ARHGAP24: variants seen among roughly 807,000 people sequenced by gnomAD.
ARHGAP24 encodes rho GTPase-activating protein 24.
Under a neutral mutation model 76.4 loss-of-function variants are expected in ARHGAP24, and 50 were observed. The ratio of observed to expected loss-of-function variants is 0.65; its 90% confidence interval spans 0.52 to 0.83. The LOEUF is 0.83. Among genes scored for constraint, ARHGAP24 ranks in the 40% least tolerant of loss-of-function variants. ARHGAP24 has a pLI of 0.00. For synonymous variants in ARHGAP24, 345 were observed against 323.3 expected (o/e 1.07, Z -0.72); for missense variants, 930 against 914.2 (o/e 1.02, Z -0.22).
rs143564413 is a variant in ARHGAP24, at chr4:85,687,154, T to C, written c.181-34731T>C. On this transcript the variant is annotated intron_variant, in intron 2 of 9. Transcript: ENST00000395184. ...TAGATAATTTTAATTAAAATTTTTGTTGAGGGAGAAATTAGAAGTTGTAAA... is the reference window on the plus strand; with the variant it reads ...TAGATAATTTTAATTAAAATTTTTGCTGAGGGAGAAATTAGAAGTTGTAAA... Among the ~76,000 whole-genome samples the C allele has an allele frequency of 5.4e-3, 815 of 152,228 alleles. 7 individuals are homozygous for C. The highest frequency in any genetic ancestry group is 0.019 in the African/African-American group (771 of 41,538).
At chr4:85,495,094 CAA>C (rs77619824) in intron 1 of ARHGAP24, among the ~76,000 whole-genome samples, 279 of 70,632 alleles carry the variant, frequency 4.0e-3, no homozygotes, top group African/African-American at 0.01. Context: ...GACTCCGTCT[CAA>C]AAAAAAAAAA....
At chr4:85,560,747 A>T (rs1726563180) in intron 1 of ARHGAP24, among the ~76,000 whole-genome samples, 1 of 152,236 alleles carries the variant, frequency 6.6e-6, no homozygotes, top group Non-Finnish European at 1.5e-5. Flanking sequence ...CATGATTAAG[A>T]GTAGCATCCA....
intron 1 of ARHGAP24, among the ~76,000 whole-genome samples, chr4:85,557,921 C>G (rs1441349361): frequency 6.6e-6 from 1 of 152,158 alleles, no homozygotes; most frequent in Admixed American, 6.5e-5. Context: ...CTAAGTGAAT[C>G]ATTCCCTTTC....
chr4:85,945,207 A>T (rs1312694610), intron 5 of ARHGAP24, among the ~76,000 whole-genome samples: 1 of 151,776 alleles, frequency 6.6e-6, no homozygotes, highest in East Asian at 1.9e-4. Context: ...CAGTAGCATG[A>T]TCTCAGCTCA....
At chr4:85,526,799 A>G (rs1042656853) in intron 1 of ARHGAP24, among the ~76,000 whole-genome samples, 6 of 152,190 alleles carry the variant, frequency 3.9e-5, no homozygotes, top group African/African-American at 1.2e-4. Context: ...GAGAATACAA[A>G]CATAAGGAAA....
chr4:85,675,216 C>T (rs1274899217), intron 2 of ARHGAP24, among the ~76,000 whole-genome samples: 4 of 152,242 alleles, frequency 2.6e-5, no homozygotes. Flanking sequence ...AAAACCATGA[C>T]GCATGTGTCC....
chr4:85,752,677 T>C (rs755418787), intron 3 of ARHGAP24, among the ~76,000 whole-genome samples: 1 of 152,178 alleles, frequency 6.6e-6, no homozygotes, highest in East Asian at 1.9e-4. Flanking sequence ...ACTTGTACCA[T>C]CATTTCTGTC....
chr4:85,758,966 C>A (rs748939224), intron 3 of ARHGAP24, among the ~76,000 whole-genome samples: 1 of 152,090 alleles, frequency 6.6e-6, no homozygotes, highest in African/African-American at 2.4e-5. Flanking sequence ...TTTATCGTTA[C>A]GCTACTTCTT....
chr4:85,963,028 G>A (rs1175212135), intron 5 of ARHGAP24, among the ~76,000 whole-genome samples: 1 of 151,948 alleles, frequency 6.6e-6, no homozygotes, highest in South Asian at 2.1e-4. Context: ...ACATTTATGT[G>A]TGTGTAATAT....
intron 3 of ARHGAP24, among the ~76,000 whole-genome samples, chr4:85,777,758 C>T (rs963600835): frequency 2.2e-5 from 3 of 134,526 alleles, no homozygotes; most frequent in Middle Eastern, 3.7e-3. Flanking sequence ...TATGAATGTT[C>T]GATAAATATT....
intron 9 of ARHGAP24, among the ~76,000 whole-genome samples, chr4:85,997,238 C>A (rs1383919746): frequency 2.0e-5 from 3 of 151,920 alleles, no homozygotes; most frequent in African/African-American, 7.3e-5. Context: ...CTTTACCCCA[C>A]AAGCATTGAA....
rs1578491084 is a variant in ARHGAP24, at chr4:86,001,130, A to C, written c.*408A>C. On this transcript the variant is annotated 3_prime_UTR_variant, in exon 10 of 10. Transcript: ENST00000395184. ...TTATCATCGGCTTATTTTATAGATC[A>C]ATATTTTTATTTCCCTTTTTTGCTG... is the stretch of plus-strand genomic sequence containing the variant. The C allele has an allele frequency of 2.7e-6, 1 of 375,344 alleles. No homozygotes were observed. The highest frequency in any genetic ancestry group is 3.8e-5 in the East Asian group (1 of 26,084). 23.3% of individuals were successfully genotyped at this position (375,344 alleles called of 1,614,324 possible). A position where few individuals can be genotyped will look rare whatever the true frequency, so the allele number is the denominator to read the frequency against.
At chr4:85,962,575 A>G (rs1738324022) in intron 5 of ARHGAP24, among the ~76,000 whole-genome samples, 1 of 152,042 alleles carries the variant, frequency 6.6e-6, no homozygotes, top group Non-Finnish European at 1.5e-5. Context: ...TCTTACAGTG[A>G]GTAGGTTATA....
intron 3 of ARHGAP24, among the ~76,000 whole-genome samples, chr4:85,851,437 A>G (rs1731227680): frequency 1.3e-5 from 2 of 152,156 alleles, no homozygotes; most frequent in Admixed American, 6.5e-5. Context: ...TGGGGCATTT[A>G]GCCCATTTAC....
At chr4:85,569,110 A>C (rs1409181946) in intron 1 of ARHGAP24, among the ~76,000 whole-genome samples, 1 of 152,242 alleles carries the variant, frequency 6.6e-6, no homozygotes, top group African/African-American at 2.4e-5. Context: ...GTAGAATTGT[A>C]TACATGCAAA....
chr4:85,563,979 G>C (rs1013560694), intron 1 of ARHGAP24, among the ~76,000 whole-genome samples: 2 of 152,138 alleles, frequency 1.3e-5, no homozygotes, highest in African/African-American at 4.8e-5. Flanking sequence ...GAAATGTTCT[G>C]AGAAATGATA....
At chr4:85,817,038 A>G (rs1729268576) in intron 3 of ARHGAP24, among the ~76,000 whole-genome samples, 1 of 152,106 alleles carries the variant, frequency 6.6e-6, no homozygotes, top group Non-Finnish European at 1.5e-5. Context: ...ATATCTTTTC[A>G]TATATCTGTT....
chr4:85,878,456 A>G (rs888775722), intron 3 of ARHGAP24, among the ~76,000 whole-genome samples: 1 of 152,146 alleles, frequency 6.6e-6, no homozygotes, highest in Non-Finnish European at 1.5e-5. Flanking sequence ...ATCAATTTTT[A>G]TTGGTTCCAT....
chr4:85,809,091 G>C (rs1728907451), intron 3 of ARHGAP24, among the ~76,000 whole-genome samples: 1 of 152,164 alleles, frequency 6.6e-6, no homozygotes, highest in Non-Finnish European at 1.5e-5. Context: ...AACAAGGGGA[G>C]ATACCAGCCT....
Sources: gnomAD v4.1 joint callset for allele counts (sites outside exome capture counted in the v4.1 genomes callset) on GRCh38, gnomAD v4.1.1 for gene constraint, MANE v1.5 for transcripts, NCBI Gene and HGNC (gene_info 2026-07-23, HGNC 2026-07-21) for gene names.